The following CACHD1 variants were observed in gnomAD, a reference collection of about 807,000 sequenced individuals.
CACHD1 encodes the protein VWFA and cache domain-containing protein 1.
In CACHD1, 71 loss-of-function variants were observed where a neutral mutation model predicts 138.7. That is an observed-to-expected ratio of 0.51 (90% CI 0.42 to 0.62). CACHD1 has a LOEUF of 0.62. CACHD1 is among the 20% of genes least tolerant of loss of function. The pLI is 0.00. For synonymous variants in CACHD1, 578 were observed against 591.5 expected, an observed-to-expected ratio of 0.98 and a Z score of 0.33; for missense variants, 1,389 against 1,625.3, an observed-to-expected ratio of 0.85 and a Z score of 2.50.
intron 2 of CACHD1, among the ~76,000 whole-genome samples, chr1:64,576,942 A>T (rs1646973452): frequency 6.7e-6 from 1 of 148,266 alleles, no homozygotes; most frequent in Non-Finnish European, 1.5e-5. Flanking sequence ...AACAAATTTG[A>T]TCATATCCCC....
intron 17 of CACHD1, among the ~76,000 whole-genome samples, chr1:64,671,946 C>T (rs1279914883): frequency 6.6e-6 from 1 of 152,140 alleles, no homozygotes; most frequent in African/African-American, 2.4e-5. Context: ...CTCTTGTTTC[C>T]CTGGAAGTCA....
At chr1:64,598,481 C>G (rs1406802453) in intron 3 of CACHD1, among the ~76,000 whole-genome samples, 1 of 152,222 alleles carries the variant, frequency 6.6e-6, no homozygotes, top group Non-Finnish European at 1.5e-5. Context: ...TCTGCCCTTT[C>G]TCGTTACTCA....
intron 1 of CACHD1, among the ~76,000 whole-genome samples, chr1:64,515,419 A>G (rs889881111): frequency 1.3e-5 from 2 of 152,256 alleles, no homozygotes; most frequent in African/African-American, 2.4e-5. Context: ...AGATGTTTCC[A>G]GTATGATTGG....
intron 16 of CACHD1, among the ~76,000 whole-genome samples, 184 bp from the exon 17 acceptor site, chr1:64,671,378 TTC>T (rs1649810732): frequency 6.6e-6 from 1 of 152,172 alleles, no homozygotes; most frequent in Non-Finnish European, 1.5e-5. Flanking sequence ...TTAAATTTTT[TTC>T]TCTCATAAAA....
chr1:64,634,404 T>G, intron 7 of CACHD1, 144 bp downstream of exon 7: 1 of 240,678 alleles, frequency 4.2e-6, no homozygotes, highest in Non-Finnish European at 7.3e-6. Context: ...TTATTTACCT[T>G]GAGACAGAGT....
At chr1:64,528,536 T>C (rs1158974689) in intron 1 of CACHD1, among the ~76,000 whole-genome samples, 2 of 152,218 alleles carry the variant, frequency 1.3e-5, no homozygotes, top group African/African-American at 4.8e-5. Flanking sequence ...TCCTTCTGAA[T>C]AATATCACAG....
chr1:64,512,799 T>A (rs1557469588), intron 1 of CACHD1, among the ~76,000 whole-genome samples: 1 of 152,206 alleles, frequency 6.6e-6, no homozygotes, highest in Non-Finnish European at 1.5e-5. Context: ...AGAACTTGGT[T>A]TTTCAGTATA....
At chr1:64,655,705 C>T (rs542161987) in intron 12 of CACHD1, among the ~76,000 whole-genome samples, 29 of 152,272 alleles carry the variant, frequency 1.9e-4, no homozygotes, top group South Asian at 1.7e-3. Flanking sequence ...GTTCATGTTA[C>T]CTGTGTTTCT....
chr1:64,550,683 C>T, intron 2 of CACHD1, 27 bp downstream of exon 2: 1 of 1,490,354 alleles, frequency 6.7e-7, no homozygotes. Flanking sequence ...ACTTGACACT[C>T]CCTGTCTTTG....
intron 6 of CACHD1, among the ~76,000 whole-genome samples, chr1:64,633,729 C>T (rs1439509794): frequency 6.6e-6 from 1 of 152,200 alleles, no homozygotes; most frequent in African/African-American, 2.4e-5. Flanking sequence ...GGTTGAAAAA[C>T]AGGATAGTTC....
rs755451515 is a variant in CACHD1, at chr1:64,598,544, C to T, written c.411-4262C>T. Among the ~76,000 whole-genome samples the T allele has an allele frequency of 2.0e-4, 30 of 152,224 alleles. No homozygotes were observed. In the Middle Eastern group the frequency reaches 0.01, roughly 52 times the overall value. Reference sequence around the variant, plus strand: ...CCCACCTTCCAGCAACTGTGCTAGACGTGAGAGAGAAATATAAATCCTCCA... The same window carrying T: ...CCCACCTTCCAGCAACTGTGCTAGATGTGAGAGAGAAATATAAATCCTCCA... On this transcript the variant is annotated intron_variant, in intron 3 of 26. Coordinates refer to ENST00000651257, the MANE Select transcript of CACHD1 (RefSeq NM_020925.4).
intron 1 of CACHD1, among the ~76,000 whole-genome samples, chr1:64,498,476 G>A (rs955124330): frequency 3.3e-5 from 5 of 152,116 alleles, no homozygotes; most frequent in Admixed American, 6.5e-5. Flanking sequence ...GCAGGGAGGC[G>A]CCTTCCTTAT....
At chr1:64,550,119 G>A (rs1381075161) in intron 1 of CACHD1, among the ~76,000 whole-genome samples, 2 of 152,118 alleles carry the variant, frequency 1.3e-5, no homozygotes, top group Non-Finnish European at 2.9e-5. Flanking sequence ...CTCCTGACGG[G>A]GTACTTGAGT....
Position 64,634,213 on chromosome 1 carries a change from C to G in CACHD1, c.959C>G (p.Ala320Gly). 2 of 1,613,894 alleles carry G rather than the reference C, an allele frequency of 1.2e-6. No homozygotes were observed. Among genetic ancestry groups the G allele is most frequent in the East Asian group, 2.2e-5 (1 of 44,860 alleles). The change falls in exon 7 of 27, where the codon GCA becomes GGA. Residue 320 changes from alanine (A) to glycine (G), a missense_variant. By Grantham distance (60) the Ala-to-Gly change is moderately conservative. Transcript: ENST00000651257. Reference protein sequence around the residue: ...PTQHAVGFQKAFQLIRSTNNN... With the variant: ...PTQHAVGFQKGFQLIRSTNNN... Reference sequence around the variant, plus strand: ...CAGCACGCAGTGGGATTCCAAAAGGCATTTCAGCTGATTCGAAGTACAAAC... The same window carrying G: ...CAGCACGCAGTGGGATTCCAAAAGGGATTTCAGCTGATTCGAAGTACAAAC...
chr1:64,582,769 C>A (rs1647022735), intron 3 of CACHD1, among the ~76,000 whole-genome samples: 1 of 152,090 alleles, frequency 6.6e-6, no homozygotes, highest in Non-Finnish European at 1.5e-5. Flanking sequence ...AGGTTTGTAT[C>A]TGCATGATTG....
At chr1:64,651,185 A>C (rs1457355799) in intron 9 of CACHD1, among the ~76,000 whole-genome samples, 1 of 152,148 alleles carries the variant, frequency 6.6e-6, no homozygotes, top group South Asian at 2.1e-4. Context: ...AAAATTATGC[A>C]CTAGAGACTG....
Position 64,489,638 on chromosome 1 carries a change from G to A in CACHD1, c.198+18696G>A, listed in dbSNP as rs74844843. On this transcript the variant is annotated intron_variant, in intron 1 of 26. Transcript: ENST00000651257. ...TGTAAAAATCAGGGCTGTTTCCACC[G>A]TCGTTGTAGAGTTAAATGAGATGAG... is the stretch of plus-strand genomic sequence containing the variant. Among the ~76,000 whole-genome samples the A allele has an allele frequency of 7.7e-3, 1,169 of 152,322 alleles. 6 individuals are homozygous for A. The highest frequency in any genetic ancestry group is 0.013 in the Non-Finnish European group (905 of 68,030).
chr1:64,470,304 C>G lies in CACHD1; in HGVS notation c.-441C>G, dbSNP rs1646134439. 6.6e-6 allele frequency among the ~76,000 whole-genome samples: 1 copy of G among 151,982 alleles called. No individual in the cohort carries two copies. The highest frequency in any genetic ancestry group is 6.6e-5 in the Admixed American group (1 of 15,264). The stretch of plus-strand genomic sequence containing the variant: ...GCCGCCGCTCCTCTTCCCCGGGGGC[C>G]GCCGTCAGTCCTCGCCGCCGCCTGC... On this transcript the variant is annotated 5_prime_UTR_variant, in exon 1 of 27. Coordinates refer to ENST00000651257, the MANE Select transcript of CACHD1 (RefSeq NM_020925.4). This position sits in a 1 kb window ranked among gnomAD's most constrained non-coding sequence, Gnocchi z 5.2.
At chr1:64,597,515 T>TG (rs1396331311) in intron 3 of CACHD1, among the ~76,000 whole-genome samples, 1 of 131,986 alleles carries the variant, frequency 7.6e-6, no homozygotes, top group African/African-American at 2.8e-5. Flanking sequence ...AGGAAGTTTT[T>TG]TTTTTGTTGT....
Sources: allele counts gnomAD v4.1 joint callset (sites outside exome capture counted in the v4.1 genomes callset), GRCh38; gene constraint gnomAD v4.1.1; non-coding constraint Gnocchi (gnomAD v3.1); transcripts MANE v1.5; gene names NCBI Gene and HGNC (gene_info 2026-07-23, HGNC 2026-07-21).